COL7A1: variants seen among roughly 807,000 people sequenced by gnomAD.
The protein encoded by COL7A1 is collagen alpha-1(VII) chain.
In COL7A1, 296 loss-of-function variants were observed where a neutral mutation model predicts 456.2. The ratio of observed to expected loss-of-function variants is 0.65; its 90% confidence interval spans 0.59 to 0.71. COL7A1 has a LOEUF of 0.71. COL7A1 is among the 30% of genes least tolerant of loss of function. COL7A1 has a pLI of 0.00. For missense variants in COL7A1, 3,441 were observed against 4,017.2 expected (o/e 0.86, Z 3.88); for synonymous variants, 1,464 against 1,525.9 (o/e 0.96, Z 0.95).
chr3:48,581,280 C>G lies in COL7A1; in HGVS notation c.4879G>C (p.Val1627Leu). 1 of 1,613,558 alleles carries G rather than the reference C, an allele frequency of 6.2e-7. No individual in the cohort carries two copies. Residue 1627 changes from valine (V) to leucine (L), a missense_variant, in exon 52 of 119, where the codon GTT (valine) becomes CTT (leucine). Physicochemically the swap from Val to Leu is conservative, Grantham distance 32. Transcript: ENST00000681320. The surrounding 1 kb of genome is among the most constrained non-coding windows in gnomAD (Gnocchi z 5.8). ...CTTACATCTCGTCCTCGGGGGCCAA[C>G]AGGTCCTGGGGGGCCAGGCCGCCCA... is the stretch of plus-strand genomic sequence containing the variant. ...DPGRPGPPGP[V>L]GPRGRDGEVG...
chr3:48,575,258 C>A lies in COL7A1; in HGVS notation c.6181-16G>T. On this transcript the variant is annotated splice_polypyrimidine_tract_variant and intron_variant, in intron 74 of 118. Coordinates refer to ENST00000681320, the MANE Select transcript of COL7A1 (RefSeq NM_000094.4). The surrounding 1 kb of genome is among the most constrained non-coding windows in gnomAD (Gnocchi z 6.3). ...CCCGTTCTCCCTGAAATGCAAATAGCGGGTGAGGGCCAAGCCCATGGGGGG... is the reference window on the plus strand; with the variant it reads ...CCCGTTCTCCCTGAAATGCAAATAGAGGGTGAGGGCCAAGCCCATGGGGGG... 1 of 1,613,934 alleles carries A rather than the reference C, an allele frequency of 6.2e-7. No individual in the cohort carries two copies. Among genetic ancestry groups the A allele is most frequent in the Non-Finnish European group, 8.5e-7 (1 of 1,179,984 alleles).
chr3:48,592,986 T>C lies in COL7A1; in HGVS notation c.683-48A>G, dbSNP rs2045818242. On this transcript the variant is annotated intron_variant, in intron 6 of 118. Transcript: ENST00000681320. The surrounding 1 kb of genome is among the most constrained non-coding windows in gnomAD (Gnocchi z 7.6). Reference sequence around the variant, plus strand: ...TCAGGCAGGAGGATTGGGGTGGGCATGTATGATGCAGAGTTGGGGTCGGGG... The same window carrying C: ...TCAGGCAGGAGGATTGGGGTGGGCACGTATGATGCAGAGTTGGGGTCGGGG... 1.2e-6 allele frequency: 2 copies of C among 1,612,448 alleles called. No homozygotes were observed. Among genetic ancestry groups the C allele is most frequent in the Non-Finnish European group, 1.7e-6 (2 of 1,179,578 alleles).
In COL7A1 at chr3:48,572,986, C is replaced by T; in HGVS notation, c.6750+35G>A. ...GTCAGGGCTGCCTGTCGACCCTTGA[C>T]CCCTGGAGCCCAACCCTTGACCCCC... is the stretch of plus-strand genomic sequence containing the variant. On this transcript the variant is annotated intron_variant, in intron 86 of 118. Transcript: ENST00000681320. This position sits in a 1 kb window ranked among gnomAD's most constrained non-coding sequence, Gnocchi z 4.6. 6.2e-7 allele frequency: 1 copy of T among 1,614,054 alleles called. No individual in the cohort carries two copies. The highest frequency in any genetic ancestry group is 1.1e-5 in the South Asian group (1 of 91,080).
In COL7A1 at chr3:48,570,592, G is replaced by A. The variant is rs372564381; in HGVS notation, c.7344+47C>T. On this transcript the variant is annotated intron_variant, in intron 96 of 118. Coordinates refer to ENST00000681320, the MANE Select transcript of COL7A1 (RefSeq NM_000094.4). This position sits in a 1 kb window ranked among gnomAD's most constrained non-coding sequence, Gnocchi z 5.5. ...GGCCCGCCCCATCCTAAGTCCTCAC[G>A]AGGACAGGAAATCAAATACGTGGGG... 81 of 1,612,636 alleles carry A rather than the reference G, an allele frequency of 5.0e-5. No homozygotes were observed. The highest frequency in any genetic ancestry group is 1.7e-4 in the Middle Eastern group (1 of 6,058).
rs377606404 is a variant in COL7A1, at chr3:48,572,644, G to C, written c.6900+27C>G. ...GGGTGAGGCAGAGGAGTTGCTGCAG[G>C]GGGTGGAAGTCAGGGTCAAAGATCA... On this transcript the variant is annotated intron_variant, in intron 88 of 118. Coordinates refer to ENST00000681320, the MANE Select transcript of COL7A1 (RefSeq NM_000094.4). This position sits in a 1 kb window ranked among gnomAD's most constrained non-coding sequence, Gnocchi z 4.6. 1,695 of 1,603,806 alleles carry C rather than the reference G, an allele frequency of 1.1e-3. 1 individual carries two copies. Among genetic ancestry groups the C allele is most frequent in the Non-Finnish European group, 1.4e-3 (1,588 of 1,175,048 alleles).
At position 48,593,667 on chromosome 3, in the gene COL7A1, G is replaced by T. The variant is rs1376226075; in HGVS notation, c.296C>A (p.Ser99Tyr). 6.2e-7 allele frequency: 1 copy of T among 1,614,102 alleles called. No individual in the cohort carries two copies. Residue 99 changes from serine (S) to tyrosine (Y), a missense_variant, in exon 4 of 119, where the codon TCT (serine) becomes TAT (tyrosine). By Grantham distance (144) the Ser-to-Tyr change is moderately radical. Around this residue, in one of 3 missense-constraint regions of COL7A1, gnomAD observed 913 missense variants for 1,088.2 expected, o/e 0.84. Coordinates refer to ENST00000681320, the MANE Select transcript of COL7A1 (RefSeq NM_000094.4). The surrounding 1 kb of genome is among the most constrained non-coding windows in gnomAD (Gnocchi z 4.4). ...GATGGCGCGGATCACATCACCCCCA[G>T]AGCCAAGTGCATCCAGGCCGAACTC... ...RTEFGLDALGSGGDVIRAIRE... is the reference protein window; with the variant it reads ...RTEFGLDALGYGGDVIRAIRE...
In COL7A1 at chr3:48,580,653, C is replaced by G; in HGVS notation, c.4981-1G>C. ...CAGGCCCCCGAACTCCAGGTGCCCC[C>G]TAAGAAGAGCAGCTGGCCTGAGACA... On this transcript the variant is annotated splice_acceptor_variant, in intron 54 of 118. Coordinates refer to ENST00000681320, the MANE Select transcript of COL7A1 (RefSeq NM_000094.4). LOFTEE classifies it high-confidence loss of function. This position sits in a 1 kb window ranked among gnomAD's most constrained non-coding sequence, Gnocchi z 4.5. 6.2e-7 allele frequency: 1 copy of G among 1,613,834 alleles called. No homozygotes were observed. Among genetic ancestry groups the G allele is most frequent in the Non-Finnish European group, 8.5e-7 (1 of 1,179,898 alleles).
In COL7A1 at chr3:48,592,323, C is replaced by A. The variant is rs779483235; in HGVS notation, c.1093+28G>T. The A allele has an allele frequency of 1.9e-6, 3 of 1,613,516 alleles. No homozygotes were observed. Among genetic ancestry groups the A allele is most frequent in the Non-Finnish European group, 2.5e-6 (3 of 1,179,934 alleles). ...TACAGCCTTGTCTGAGGCGCGGGGACTCCCCTCAGCCCACATCTCTCACTC... is the reference window on the plus strand; with the variant it reads ...TACAGCCTTGTCTGAGGCGCGGGGAATCCCCTCAGCCCACATCTCTCACTC... On this transcript the variant is annotated intron_variant, in intron 9 of 118. Transcript: ENST00000681320. This position sits in a 1 kb window ranked among gnomAD's most constrained non-coding sequence, Gnocchi z 7.6.
rs763000800 is a variant in COL7A1, at chr3:48,572,381, G to T, written c.6977C>A (p.Pro2326Gln). ...GGLAGDLVGE[P>Q]GAKGDRGLPG... The stretch of plus-strand genomic sequence containing the variant: ...TGCTGTCAGAAGTTCCCTACTTACC[G>T]GCTCACCCACCAGGTCTCCAGCAAG... Residue 2326 changes from proline to glutamine, a missense_variant and splice_region_variant, in exon 90 of 119, where the codon CCG (proline) becomes CAG (glutamine). By Grantham distance (76) the Pro-to-Gln change is moderately conservative. Around this residue, in one of 3 missense-constraint regions of COL7A1, gnomAD observed 2,084 missense variants for 2,501.3 expected, o/e 0.83. Coordinates refer to ENST00000681320, the MANE Select transcript of COL7A1 (RefSeq NM_000094.4). This position sits in a 1 kb window ranked among gnomAD's most constrained non-coding sequence, Gnocchi z 4.6. 26 of 1,613,982 alleles carry T rather than the reference G, an allele frequency of 1.6e-5. No homozygotes were observed. Among genetic ancestry groups the T allele is most frequent in the Non-Finnish European group, 2.2e-5 (26 of 1,180,018 alleles).
In COL7A1 at chr3:48,574,509, CG is replaced by C; in HGVS notation, c.6434del (p.Pro2145ArgfsTer61). 1 of 1,614,084 alleles carries C rather than the reference CG, an allele frequency of 6.2e-7. No homozygotes were observed. The highest frequency in any genetic ancestry group is 8.5e-7 in the Non-Finnish European group (1 of 1,180,022). ...GIKGDRGEPG[P>X]RGQDGNPGLP... is the part of the protein sequence containing the mutation. ...TTACCGGGTTGCCGTCCTGACCCCT[CG>C]GTCCAGGCTCTCCCCGGTCTCCTTT... On this transcript the variant is annotated frameshift_variant, in exon 79 of 119. Coordinates refer to ENST00000681320, the MANE Select transcript of COL7A1 (RefSeq NM_000094.4). LOFTEE classifies it high-confidence loss of function. This position sits in a 1 kb window ranked among gnomAD's most constrained non-coding sequence, Gnocchi z 5.0.
Position 48,583,116 on chromosome 3 carries a change from G to T in COL7A1, c.4482+11C>A. On this transcript the variant is annotated intron_variant, in intron 43 of 118. Coordinates refer to ENST00000681320, the MANE Select transcript of COL7A1 (RefSeq NM_000094.4). The surrounding 1 kb of genome is among the most constrained non-coding windows in gnomAD (Gnocchi z 5.1). ...CTCCAGGGCCCTTGGCACCCCCCAG[G>T]TTGCACTTACCTTCTCTCCAGCCTC... The T allele has an allele frequency of 6.2e-7, 1 of 1,613,946 alleles. No homozygotes were observed. The highest frequency in any genetic ancestry group is 1.1e-5 in the South Asian group (1 of 91,084).
rs759349429 is a variant in COL7A1, at chr3:48,589,433, C to T, written c.2208G>A (p.Thr736=). The T allele has an allele frequency of 1.9e-5, 30 of 1,613,648 alleles. No homozygotes were observed. The African/African-American group carries it at 2.5e-4, about 14-fold the overall frequency. ...GCTCCAGTCCATCCAGCTCAGCCAC[C>T]GTGGCCTCCCCAGAAACCAACTGGG... ...EKSQLVSGEA[T]VAELDGLEPD... The change falls in exon 18 of 119, where the codon ACG becomes ACA. Residue 736 remains threonine, a synonymous_variant. Coordinates refer to ENST00000681320, the MANE Select transcript of COL7A1 (RefSeq NM_000094.4).
chr3:48,591,797 T>C lies in COL7A1; in HGVS notation c.1383A>G (p.Val461=), dbSNP rs112805032. The C allele has an allele frequency of 6.8e-4, 1,102 of 1,614,176 alleles. 9 individuals are homozygous for C. The African/African-American group carries it at 0.013, about 20-fold the overall frequency. ...ETGLEPPQKV[V]LPSDVTRYQL... ...GGTAGCGGGTCACATCAGAGGGCAG[T>C]ACCACCTTCTGCGGTGGCTCCAAGC... The change falls in exon 12 of 119, where the codon GTA becomes GTG. Residue 461 remains valine (V), a synonymous_variant. Transcript: ENST00000681320. This position sits in a 1 kb window ranked among gnomAD's most constrained non-coding sequence, Gnocchi z 7.0.
Position 48,579,860 on chromosome 3 carries a change from G to C in COL7A1, c.5125-46C>G, listed in dbSNP as rs764503530. The C allele has an allele frequency of 6.2e-7, 1 of 1,613,960 alleles. No individual in the cohort carries two copies. The highest frequency in any genetic ancestry group is 1.7e-5 in the Admixed American group (1 of 60,016). ...GAGAAGAATGGCTCAACAAGGGGAA[G>C]AGGAGTTGGCGAGGGGATACAGGGT... On this transcript the variant is annotated intron_variant, in intron 57 of 118. Coordinates refer to ENST00000681320, the MANE Select transcript of COL7A1 (RefSeq NM_000094.4). The surrounding 1 kb of genome is among the most constrained non-coding windows in gnomAD (Gnocchi z 4.4).
chr3:48,584,345 C>A lies in COL7A1; in HGVS notation c.4150G>T (p.Asp1384Tyr). Residue 1384 changes from aspartate (D) to tyrosine (Y), a missense_variant, in exon 37 of 119, where the codon GAC becomes TAC. Coordinates refer to ENST00000681320, the MANE Select transcript of COL7A1 (RefSeq NM_000094.4). ...GPPGPRGPLG[D>Y]PGPRGPPGLP... ...CCTGGGGGGCCACGGGGTCCTGGGTCCCCCAGTGGTCCACGAGGTCCAGGG... is the reference window on the plus strand; with the variant it reads ...CCTGGGGGGCCACGGGGTCCTGGGTACCCCAGTGGTCCACGAGGTCCAGGG... 1 of 1,613,464 alleles carries A rather than the reference C, an allele frequency of 6.2e-7. No homozygotes were observed. Among genetic ancestry groups the A allele is most frequent in the Non-Finnish European group, 8.5e-7 (1 of 1,179,690 alleles).
In COL7A1 at chr3:48,587,158, C is replaced by T. The variant is rs749666126; in HGVS notation, c.3139+32G>A. 3 of 1,613,688 alleles carry T rather than the reference C, an allele frequency of 1.9e-6. No homozygotes were observed. Among genetic ancestry groups the T allele is most frequent in the Admixed American group, 1.7e-5 (1 of 59,978 alleles). ...GAAGCGGGCAGCCCACCCAGACACA[C>T]CTTTCTGCCCTTCCCACTACGCCCA... On this transcript the variant is annotated intron_variant, in intron 24 of 118. Coordinates refer to ENST00000681320, the MANE Select transcript of COL7A1 (RefSeq NM_000094.4). The surrounding 1 kb of genome is among the most constrained non-coding windows in gnomAD (Gnocchi z 6.1).
In COL7A1 at chr3:48,587,822, C is replaced by A; in HGVS notation, c.2828G>T (p.Gly943Val). The A allele has an allele frequency of 6.2e-7, 1 of 1,613,364 alleles. No individual in the cohort carries two copies. The highest frequency in any genetic ancestry group is 8.5e-7 in the Non-Finnish European group (1 of 1,179,972). ...RLSVLGPAGE[G>V]PSAEVTARTE... ...GCGCGCAGTCACCTCTGCAGAGGGCCCTTCTCCAGCTGGCCCTAGGACACT... is the reference window on the plus strand; with the variant it reads ...GCGCGCAGTCACCTCTGCAGAGGGCACTTCTCCAGCTGGCCCTAGGACACT... Residue 943 changes from glycine (G) to valine (V), a missense_variant, in exon 22 of 119, where the codon GGG (glycine) becomes GTG (valine). Coordinates refer to ENST00000681320, the MANE Select transcript of COL7A1 (RefSeq NM_000094.4). The surrounding 1 kb of genome is among the most constrained non-coding windows in gnomAD (Gnocchi z 6.1).
In COL7A1 at chr3:48,569,247, GC is replaced by G. The variant is rs1458816090; in HGVS notation, c.7686+127del. 8.6e-7 allele frequency: 1 copy of G among 1,162,062 alleles called. No individual in the cohort carries two copies. The highest frequency in any genetic ancestry group is 1.3e-6 in the Non-Finnish European group (1 of 778,252). 72.0% of individuals were successfully genotyped at this position (1,162,062 alleles called of 1,614,324 possible). A position where few individuals can be genotyped will look rare whatever the true frequency, so the allele number is the denominator to read the frequency against. On this transcript the variant is annotated intron_variant, in intron 103 of 118. Coordinates refer to ENST00000681320, the MANE Select transcript of COL7A1 (RefSeq NM_000094.4). This position sits in a 1 kb window ranked among gnomAD's most constrained non-coding sequence, Gnocchi z 4.9. Reference sequence around the variant, plus strand: ...CCTCCTCTCGGCCACTCCATAGTCAGCCACAGAACCCCTTCCCCCTAAACCC... The same window carrying G: ...CCTCCTCTCGGCCACTCCATAGTCAGCACAGAACCCCTTCCCCCTAAACCC...
chr3:48,583,389 TCA>T lies in COL7A1; in HGVS notation c.4437+2_4437+3del. 1.2e-6 allele frequency: 2 copies of T among 1,614,062 alleles called. No homozygotes were observed. Among genetic ancestry groups the T allele is most frequent in the Non-Finnish European group, 1.7e-6 (2 of 1,179,948 alleles). Reference sequence around the variant, plus strand: ...CACACCTGAATCCCCCAACTGGTACTCACTTTGGGGCCAATAGCTCCAGGAGG... The same window carrying T: ...CACACCTGAATCCCCCAACTGGTACTCTTTGGGGCCAATAGCTCCAGGAGG... On this transcript the variant is annotated splice_donor_variant and splice_donor_region_variant and intron_variant, in intron 42 of 118. Coordinates refer to ENST00000681320, the MANE Select transcript of COL7A1 (RefSeq NM_000094.4). LOFTEE classifies it high-confidence loss of function. The surrounding 1 kb of genome is among the most constrained non-coding windows in gnomAD (Gnocchi z 5.1).
Sources: gnomAD v4.1 joint callset for allele counts on GRCh38, gnomAD v4.1.1 for gene constraint, gnomAD v4.1.1 regional missense constraint, Gnocchi (gnomAD v3.1) non-coding constraint, MANE v1.5 for transcripts, NCBI Gene and HGNC (gene_info 2026-07-23, HGNC 2026-07-21) for gene names.